DLG1: variants seen among roughly 807,000 people sequenced by gnomAD.
DLG1 encodes disks large homolog 1.
A neutral mutation model predicts 123.4 loss-of-function variants in DLG1; 42 were observed. The observed-to-expected ratio is 0.34, with a 90% confidence interval of 0.27 to 0.44. The LOEUF (loss-of-function observed/expected upper bound fraction) is 0.44. Among genes scored for constraint, DLG1 ranks in the 20% least tolerant of loss-of-function variants. The pLI, the probability that DLG1 is intolerant of heterozygous loss-of-function variation, is 1.00. For missense variants in DLG1, 942 were observed against 1,082.6 expected, an observed-to-expected ratio of 0.87 and a Z score of 1.82; for synonymous variants, 317 against 356.2, an observed-to-expected ratio of 0.89 and a Z score of 1.24.
intron 23 of DLG1, among the ~76,000 whole-genome samples, chr3:197,052,862 C>A (rs534138213): frequency 5.3e-5 from 8 of 152,172 alleles, no homozygotes; most frequent in Admixed American, 5.2e-4. Flanking sequence ...TAACCAACTG[C>A]CATGAATAGA....
chr3:197,142,879 T>G, intron 6 of DLG1, 111 bp from the exon 7 acceptor site: 1 of 727,850 alleles, frequency 1.4e-6, no homozygotes, highest in Non-Finnish European at 2.4e-6. Flanking sequence ...GCGACAGTAA[T>G]CAAACACAAT....
chr3:197,214,255 A>C (rs548040843), intron 4 of DLG1, among the ~76,000 whole-genome samples: 231 of 152,330 alleles, frequency 1.5e-3, no homozygotes, highest in Non-Finnish European at 3.0e-3. Context: ...TAAACAAAAT[A>C]TGAATAAACT....
intron 5 of DLG1, among the ~76,000 whole-genome samples, chr3:197,169,239 C>A (rs1479603423): frequency 4.6e-5 from 7 of 152,182 alleles, no homozygotes; most frequent in African/African-American, 1.4e-4. Flanking sequence ...AATGAGCCTA[C>A]TACTTTTATT....
chr3:197,112,930 A>G (rs1370023878), intron 13 of DLG1, among the ~76,000 whole-genome samples: 2 of 152,162 alleles, frequency 1.3e-5, no homozygotes, highest in African/African-American at 4.8e-5. Flanking sequence ...CTTTATGGTT[A>G]GTGTTTTATG....
In DLG1 at chr3:197,130,431, A is replaced by G. The variant is rs1247099909; in HGVS notation, c.1165+96T>C. ...ATTGTTTCTTTAAAAATATTTGCAT[A>G]ATGTTTAAACTTTATTATACTGAGA... On this transcript the variant is annotated intron_variant, in intron 11 of 24. Transcript: ENST00000667157. 7 of 1,047,890 alleles carry G rather than the reference A, an allele frequency of 6.7e-6. No homozygotes were observed. In the African/African-American group the frequency reaches 1.1e-4, roughly 17 times the overall value. 64.9% of individuals were successfully genotyped at this position (1,047,890 alleles called of 1,614,324 possible).
At chr3:197,089,948 G>A (rs1756806724) in intron 15 of DLG1, among the ~76,000 whole-genome samples, 1 of 152,162 alleles carries the variant, frequency 6.6e-6, no homozygotes, top group Non-Finnish European at 1.5e-5. Flanking sequence ...AAAGAAGAAA[G>A]TGAGAAAGGT....
At chr3:197,120,999 C>A (rs1776071853) in intron 11 of DLG1, among the ~76,000 whole-genome samples, 1 of 152,134 alleles carries the variant, frequency 6.6e-6, no homozygotes. Context: ...AATCACTAGC[C>A]TGTTAAAAAT....
chr3:197,192,740 A>T (rs1336762834), intron 5 of DLG1, among the ~76,000 whole-genome samples: 1 of 152,172 alleles, frequency 6.6e-6, no homozygotes, highest in Non-Finnish European at 1.5e-5. Context: ...GTATAAGAAC[A>T]GAGGGGTAAG....
intron 4 of DLG1, among the ~76,000 whole-genome samples, chr3:197,199,888 G>A (rs891750518): frequency 1.3e-5 from 2 of 152,080 alleles, no homozygotes; most frequent in Admixed American, 6.5e-5. Flanking sequence ...TGAGGGTTAG[G>A]GATGAAGGAG....
At chr3:197,133,784 C>T (rs1483386197) in intron 10 of DLG1, among the ~76,000 whole-genome samples, 1 of 152,002 alleles carries the variant, frequency 6.6e-6, no homozygotes, top group Non-Finnish European at 1.5e-5. Context: ...AGAGTGGCTA[C>T]TAAGAAGAGA....
intron 4 of DLG1, among the ~76,000 whole-genome samples, chr3:197,268,944 T>C (rs1433734120): frequency 1.3e-5 from 2 of 152,040 alleles, no homozygotes; most frequent in Non-Finnish European, 1.5e-5. Context: ...AAGGCCAGAA[T>C]CATCAGTATC....
intron 6 of DLG1, among the ~76,000 whole-genome samples, chr3:197,149,542 G>A (rs1792839236): frequency 1.3e-5 from 2 of 151,862 alleles, no homozygotes; most frequent in Non-Finnish European, 2.9e-5. Flanking sequence ...CAAAATTTCT[G>A]CTTTACAAAA....
intron 19 of DLG1, chr3:197,068,557 T>TA (rs746537925): frequency 1.3e-6 from 2 of 1,540,674 alleles, no homozygotes; most frequent in Non-Finnish European, 1.8e-6. Flanking sequence ...TAGACAGCAG[T>TA]AAAAAAAGAA....
chr3:197,047,306 C>A (rs1390838068), intron 24 of DLG1, among the ~76,000 whole-genome samples: 1 of 151,960 alleles, frequency 6.6e-6, no homozygotes, highest in Non-Finnish European at 1.5e-5. Context: ...CAGAAAAAAA[C>A]CTATAAATGT....
intron 5 of DLG1, among the ~76,000 whole-genome samples, chr3:197,176,105 A>G (rs1427735856): frequency 1.3e-5 from 2 of 152,170 alleles, no homozygotes; most frequent in Non-Finnish European, 2.9e-5. Context: ...TCCTAACTAT[A>G]AAGACCTTAT....
chr3:197,234,815 T>TCTA (rs1402586032), intron 4 of DLG1, among the ~76,000 whole-genome samples: 1 of 152,152 alleles, frequency 6.6e-6, no homozygotes, highest in East Asian at 1.9e-4. Context: ...TTTGTGTATT[T>TCTA]CTAAACTCTA....
intron 4 of DLG1, among the ~76,000 whole-genome samples, chr3:197,212,198 T>C (rs1731588446): frequency 6.8e-6 from 1 of 145,998 alleles, no homozygotes; most frequent in African/African-American, 2.4e-5. Context: ...GCTTCACGTG[T>C]ACCCCTGAAC....
At chr3:197,065,473 A>C in intron 21 of DLG1, 25 bp from the exon 22 acceptor site, 12 of 1,548,202 alleles carry the variant, frequency 7.8e-6, no homozygotes, top group Non-Finnish European at 1.0e-5. Context: ...AACTTGGGAA[A>C]GTGTTTAATA....
intron 4 of DLG1, among the ~76,000 whole-genome samples, chr3:197,268,122 T>C (rs1297376678): frequency 6.6e-6 from 1 of 152,194 alleles, no homozygotes; most frequent in African/African-American, 2.4e-5. Flanking sequence ...TGAGGAGGTT[T>C]AGGAGCACAT....
Sources: allele counts gnomAD v4.1 joint callset (sites outside exome capture counted in the v4.1 genomes callset), GRCh38; gene constraint gnomAD v4.1.1; transcripts MANE v1.5; gene names NCBI Gene and HGNC (gene_info 2026-07-23, HGNC 2026-07-21).